OR2T11: variants seen among roughly 807,000 people sequenced by gnomAD.
OR2T11 encodes the protein olfactory receptor family 2 subfamily T member 11.
A neutral mutation model predicts 13.5 loss-of-function variants in OR2T11; 14 were observed. The observed-to-expected ratio is 1.04, with a 90% CI of 0.69 to 1.62. The LOEUF (loss-of-function observed/expected upper bound fraction) is 1.62, where lower values mean the gene tolerates loss of function less well. Ranked by LOEUF, OR2T11 falls within the 40% of genes most tolerant of loss-of-function variation. The pLI is 0.00. For synonymous variants in OR2T11, 163 were observed against 154.6 expected (o/e 1.05, Z -0.40); for missense variants, 410 against 389.7 (o/e 1.05, Z -0.44).
chr1:248,631,408 TGA>T (rs1436894265), intron 1 of OR2T11, among the ~76,000 whole-genome samples: 3 of 142,992 alleles, frequency 2.1e-5, no homozygotes, highest in Non-Finnish European at 4.5e-5. Context: ...CTGGTAAAAC[TGA>T]GGCTCAGAGT....
chr1:248,630,187 AAAT>A (rs1376718824), intron 1 of OR2T11, among the ~76,000 whole-genome samples: 1 of 143,076 alleles, frequency 7.0e-6, no homozygotes, highest in African/African-American at 2.7e-5. Context: ...TGCTGAAGAG[AAAT>A]AATTTTTTTT....
rs1660474704 is a variant in OR2T11 at position 248,623,737 on chromosome 1, T to A, written c.*2441A>T. ...TGTTATTTTGTCCTTGTTTTTAACA[T>A]AATTCTAGTTAACATATTGAGTGCC... On this transcript the variant is annotated 3_prime_UTR_variant, in exon 2 of 2. Coordinates refer to ENST00000641193, the MANE Select transcript of OR2T11 (RefSeq NM_001001964.2). The A allele has an allele frequency of 7.0e-6, 1 of 143,160 alleles. No individual in the cohort carries two copies. The highest frequency in any genetic ancestry group is 6.8e-5 in the Admixed American group (1 of 14,690). 8.9% of individuals were successfully genotyped at this position (143,160 alleles called of 1,614,324 possible). A position where few individuals can be genotyped will look rare whatever the true frequency, so the allele number is the denominator to read the frequency against.
In OR2T11 at chr1:248,624,106, T is replaced by C. The variant is rs1263749168; in HGVS notation, c.*2072A>G. 2 of 142,694 alleles carry C rather than the reference T, an allele frequency of 1.4e-5. No homozygotes were observed. Among genetic ancestry groups the C allele is most frequent in the Admixed American group, 6.8e-5 (1 of 14,672 alleles). 8.8% of individuals were successfully genotyped at this position (142,694 alleles called of 1,614,324 possible). A position where few individuals can be genotyped will look rare whatever the true frequency, so the allele number is the denominator to read the frequency against. ...CATGCTCTTACAAAAGTTCAAACTC[T>C]CCACTTCTAAACTGGTTTCTGTGCT... On this transcript the variant is annotated 3_prime_UTR_variant, in exon 2 of 2. Transcript: ENST00000641193.
In OR2T11 at chr1:248,624,816, C is replaced by T. The variant is rs1197784009; in HGVS notation, c.*1362G>A. ...CCATCACGGCTCACTGCAGCCTCAA[C>T]TTCTCAGCCTCCCGTGATCCTCCCA... On this transcript the variant is annotated 3_prime_UTR_variant, in exon 2 of 2. Transcript: ENST00000641193. The T allele has an allele frequency of 4.2e-5, 6 of 144,036 alleles. 1 individual carries two copies. Among genetic ancestry groups the T allele is most frequent in the Non-Finnish European group, 6.0e-5 (4 of 66,432 alleles). The allele number at this position is 144,036 out of a possible 1,614,324, so 8.9% of individuals were successfully genotyped here. A position where few individuals can be genotyped will look rare whatever the true frequency, so the allele number is the denominator to read the frequency against.
At chr1:248,628,589 C>A (rs1170930997) in intron 1 of OR2T11, among the ~76,000 whole-genome samples, 2 of 142,414 alleles carry the variant, frequency 1.4e-5, no homozygotes, top group Non-Finnish European at 3.0e-5. Context: ...AAAAAGGGTT[C>A]ACTGTACATC....
Position 248,634,861 on chromosome 1 carries a change from TTC to T in OR2T11, c.-145+175_-145+176del, listed in dbSNP as rs1392360811. On this transcript the variant is annotated intron_variant, in intron 1 of 1. Transcript: ENST00000641193. The stretch of plus-strand genomic sequence containing the variant: ...AAATAATTATCTAATTATCTTCAGT[TTC>T]TCTGATCATTCCTTTTTGCCTGATA... 1.4e-5 allele frequency among the ~76,000 whole-genome samples: 2 copies of T among 144,670 alleles called. 1 individual carries two copies. The highest frequency in any genetic ancestry group is 5.4e-5 in the African/African-American group (2 of 37,140). 94.9% of individuals were successfully genotyped at this position (144,670 alleles called of 152,430 possible). A position where few individuals can be genotyped will look rare whatever the true frequency, so the allele number is the denominator to read the frequency against.
Position 248,627,200 on chromosome 1 carries a change from C to A in OR2T11, c.-72G>T. 1.1e-6 allele frequency: 1 copy of A among 898,818 alleles called. No individual in the cohort carries two copies. The highest frequency in any genetic ancestry group is 2.0e-5 in the Admixed American group (1 of 49,326). The allele number at this position is 898,818 out of a possible 1,614,324, so 55.7% of individuals were successfully genotyped here. On this transcript the variant is annotated 5_prime_UTR_variant, in exon 2 of 2. Coordinates refer to ENST00000641193, the MANE Select transcript of OR2T11 (RefSeq NM_001001964.2). ...CAGGAAGGAGGCAAGAGAACACGGT[C>A]AAGATGGGAAAGGTCTGCAGTAGAG...
At position 248,626,775 on chromosome 1, in the gene OR2T11, G is replaced by A; in HGVS notation, c.354C>T (p.Asp118=). 1 of 1,569,824 alleles carries A rather than the reference G, an allele frequency of 6.4e-7. No individual in the cohort carries two copies. The highest frequency in any genetic ancestry group is 8.7e-7 in the Non-Finnish European group (1 of 1,154,518). The part of the protein sequence containing the change: ...EFFLLGLMAY[D]CYVAVCNPLR... The stretch of plus-strand genomic sequence containing the variant: ...GAGGGTTACAGACAGCCACGTAGCA[G>A]TCATAGGCCATGAGGCCCAGGAGGA... The change falls in exon 2 of 2, where the codon GAC becomes GAT. Residue 118 remains aspartate (D), a synonymous_variant. Coordinates refer to ENST00000641193, the MANE Select transcript of OR2T11 (RefSeq NM_001001964.2).
chr1:248,633,347 A>C (rs2103104335), intron 1 of OR2T11, among the ~76,000 whole-genome samples: 1 of 143,380 alleles, frequency 7.0e-6, no homozygotes, highest in South Asian at 2.2e-4. Context: ...CAACCTATAT[A>C]ATCATCTCCT....
chr1:248,634,453 C>A lies in OR2T11; in HGVS notation c.-145+585G>T, dbSNP rs1019531035. On this transcript the variant is annotated intron_variant, in intron 1 of 1. Coordinates refer to ENST00000641193, the MANE Select transcript of OR2T11 (RefSeq NM_001001964.2). Reference sequence around the variant, plus strand: ...TACCTGGGATTTAGAAGGAAGCACACAGTGAAATGCTGCTAAGTGTGTGAC... The same window carrying A: ...TACCTGGGATTTAGAAGGAAGCACAAAGTGAAATGCTGCTAAGTGTGTGAC... Among the ~76,000 whole-genome samples, 86 of 142,884 alleles carry A rather than the reference C, an allele frequency of 6.0e-4. 9 individuals carry two copies. Among genetic ancestry groups the A allele is most frequent in the African/African-American group, 2.2e-3 (79 of 36,210 alleles). 93.7% of individuals were successfully genotyped at this position (142,884 alleles called of 152,430 possible).
rs1461561864 is a variant in OR2T11 at position 248,630,985 on chromosome 1, G to A, written c.-144-3713C>T. 1.3e-4 allele frequency among the ~76,000 whole-genome samples: 19 copies of A among 142,780 alleles called. 4 individuals are homozygous for A. Among genetic ancestry groups the A allele is most frequent in the African/African-American group, 4.2e-4 (15 of 36,062 alleles). The allele number at this position is 142,780 out of a possible 152,430, so 93.7% of individuals were successfully genotyped here. On this transcript the variant is annotated intron_variant, in intron 1 of 1. Transcript: ENST00000641193. ...GAAAACAGGTCGGAGGGACTCAGTC[G>A]GTCTCCGGGTTTGACGATAGAGGGG...
Position 248,627,084 on chromosome 1 carries a change from C to T in OR2T11, c.45G>A (p.Leu15=). 3 of 1,568,566 alleles carry T rather than the reference C, an allele frequency of 1.9e-6. No homozygotes were observed. Among genetic ancestry groups the T allele is most frequent in the Non-Finnish European group, 2.6e-6 (3 of 1,153,624 alleles). ...SSSDFTLLGL[L]VNSEAAGIVF... ...CAATCCCGGCAGCCTCACTGTTCAC[C>T]AGAAGCCCCAGGAGGGTGAAGTCAG... The change falls in exon 2 of 2, where the codon CTG becomes CTA. Residue 15 remains leucine, a synonymous_variant. Coordinates refer to ENST00000641193, the MANE Select transcript of OR2T11 (RefSeq NM_001001964.2).
Position 248,631,999 on chromosome 1 carries a change from T to G in OR2T11, c.-145+3039A>C, listed in dbSNP as rs1475667413. On this transcript the variant is annotated intron_variant, in intron 1 of 1. Transcript: ENST00000641193. Reference sequence around the variant, plus strand: ...GGCAGAGTTCACTTAAGGAGAAAATTCCAATGTTTCTAGCATAAAGAAAAT... The same window carrying G: ...GGCAGAGTTCACTTAAGGAGAAAATGCCAATGTTTCTAGCATAAAGAAAAT... 4.2e-5 allele frequency among the ~76,000 whole-genome samples: 6 copies of G among 143,870 alleles called. 1 individual carries two copies. The South Asian group carries it at 1.3e-3, about 32-fold the overall frequency. The allele number at this position is 143,870 out of a possible 152,430, so 94.4% of individuals were successfully genotyped here. A position where few individuals can be genotyped will look rare whatever the true frequency, so the allele number is the denominator to read the frequency against.
In OR2T11 at chr1:248,626,829, G is replaced by C; in HGVS notation, c.300C>G (p.Leu100=). Residue 100 remains leucine, a synonymous_variant, in exon 2 of 2, where the codon CTC becomes CTG. Coordinates refer to ENST00000641193, the MANE Select transcript of OR2T11 (RefSeq NM_001001964.2). ...SFVACGIQIF[L]YLTMIGSEFF... ...ACTCAGAACCAATCATGGTCAGGTA[G>C]AGGAAGATCTGGATGCCACAGGCCA... 6.4e-7 allele frequency: 1 copy of C among 1,572,386 alleles called. No homozygotes were observed. The highest frequency in any genetic ancestry group is 8.6e-7 in the Non-Finnish European group (1 of 1,156,190).
Position 248,627,870 on chromosome 1 carries a change from C to T in OR2T11, c.-144-598G>A, listed in dbSNP as rs1265020518. 1.4e-5 allele frequency among the ~76,000 whole-genome samples: 2 copies of T among 143,476 alleles called. 1 individual carries two copies. The highest frequency in any genetic ancestry group is 3.0e-5 in the Non-Finnish European group (2 of 66,298). The allele number at this position is 143,476 out of a possible 152,430, so 94.1% of individuals were successfully genotyped here. Reference sequence around the variant, plus strand: ...GTTTATGTCTAAAGTTGGGACTCCTCACTGTTCTTTGTGCTGTTTTGCTAA... The same window carrying T: ...GTTTATGTCTAAAGTTGGGACTCCTTACTGTTCTTTGTGCTGTTTTGCTAA... On this transcript the variant is annotated intron_variant, in intron 1 of 1. Transcript: ENST00000641193.
In OR2T11 at chr1:248,624,231, A is replaced by G. The variant is rs1424628138; in HGVS notation, c.*1947T>C. On this transcript the variant is annotated 3_prime_UTR_variant, in exon 2 of 2. Transcript: ENST00000641193. ...ATTATTCCTTTGAACTTCATACTCA[A>G]TATCACATGACAGCACCATTAACAT... 7 of 143,288 alleles carry G rather than the reference A, an allele frequency of 4.9e-5. 2 individuals are homozygous for G. The highest frequency in any genetic ancestry group is 1.9e-4 in the African/African-American group (7 of 36,332). The allele number at this position is 143,288 out of a possible 1,614,324, so 8.9% of individuals were successfully genotyped here.
rs138784683 is a variant in OR2T11, at chr1:248,626,965, G to C, written c.164C>G (p.Pro55Arg). Residue 55 changes from proline to arginine, a missense_variant, in exon 2 of 2, where the codon CCC (proline) becomes CGC (arginine). Pro to Arg is a moderately radical substitution (Grantham distance 103, BLOSUM62 -2). Coordinates refer to ENST00000641193, the MANE Select transcript of OR2T11 (RefSeq NM_001001964.2). ...LIQVDSRLHT[P>R]MYFLLSQLSI... Reference sequence around the variant, plus strand: ...CAGCTGACTGAGCAGAAAGTACATGGGGGTGTGGAGGCGAGAGTCCACCTG... The same window carrying C: ...CAGCTGACTGAGCAGAAAGTACATGCGGGTGTGGAGGCGAGAGTCCACCTG... 6.9e-4 allele frequency: 1,089 copies of C among 1,572,194 alleles called. 135 individuals are homozygous for C. The highest frequency in any genetic ancestry group is 8.5e-4 in the Non-Finnish European group (979 of 1,156,180).
chr1:248,628,790 C>T (rs1320112037), intron 1 of OR2T11, among the ~76,000 whole-genome samples: 1 of 142,546 alleles, frequency 7.0e-6, no homozygotes, highest in Non-Finnish European at 1.5e-5. Context: ...TTGATATATT[C>T]ATATTACTGT....
At chr1:248,629,195 C>T (rs527469091) in intron 1 of OR2T11, among the ~76,000 whole-genome samples, 1 of 142,406 alleles carries the variant, frequency 7.0e-6, no homozygotes, top group Non-Finnish European at 1.5e-5. Context: ...TCACTTGAAG[C>T]CAGGAGTTTG....
Sources: gnomAD v4.1 joint callset for allele counts (sites outside exome capture counted in the v4.1 genomes callset) on GRCh38, gnomAD v4.1.1 for gene constraint, MANE v1.5 for transcripts, NCBI Gene and HGNC (gene_info 2026-07-23, HGNC 2026-07-21) for gene names.